Variants in WASHC5 observed in about 807,000 individuals in gnomAD.
WASHC5 encodes the protein WASH complex subunit strumpellin.
WASHC5 carries 101 observed loss-of-function variants against 150.4 expected under a neutral mutation model. That is an observed-to-expected ratio of 0.67 (90% CI 0.57 to 0.79). The LOEUF (loss-of-function observed/expected upper bound fraction) is 0.79. WASHC5 is among the 30% of genes least tolerant of loss of function. WASHC5 has a pLI of 0.00. For missense variants in WASHC5, 1,195 were observed against 1,396.3 expected (o/e 0.86, Z 2.30); for synonymous variants, 467 against 491.2 (o/e 0.95, Z 0.65).
At chr8:125,075,568 G>T in intron 7 of WASHC5, among the ~76,000 whole-genome samples, 1 of 151,950 alleles carries the variant, frequency 6.6e-6, no homozygotes, top group East Asian at 1.9e-4. Context: ...TTAAACTTAG[G>T]AACCTGAAGC....
chr8:125,065,619 C>CTT (rs780278604), intron 10 of WASHC5, among the ~76,000 whole-genome samples: 22 of 130,724 alleles, frequency 1.7e-4, no homozygotes, highest in South Asian at 4.7e-4. Context: ...TCTTTCATTC[C>CTT]TTTTTTTTTT....
chr8:125,029,945 C>T (rs1815479090), intron 27 of WASHC5, among the ~76,000 whole-genome samples: 2 of 152,204 alleles, frequency 1.3e-5, no homozygotes, highest in South Asian at 4.1e-4. Flanking sequence ...GCTATATTTG[C>T]TCTGCTTGGA....
intron 9 of WASHC5, among the ~76,000 whole-genome samples, chr8:125,072,351 GT>G (rs1161474238): frequency 3.5e-4 from 22 of 63,130 alleles, no homozygotes; most frequent in African/African-American, 1.8e-3. Flanking sequence ...AAAAAAAAAA[GT>G]GGGGGGGGGG....
chr8:125,042,439 C>T (rs775777399), intron 23 of WASHC5, among the ~76,000 whole-genome samples: 3 of 152,140 alleles, frequency 2.0e-5, no homozygotes, highest in East Asian at 1.9e-4. Flanking sequence ...ACACTGGCTC[C>T]GTGACTGTAC....
rs1244343404 is a variant in WASHC5 at position 125,037,290 on chromosome 8, T to C, written c.3128A>G (p.Asn1043Ser). The C allele has an allele frequency of 3.1e-6, 5 of 1,612,590 alleles. No individual in the cohort carries two copies. In the Admixed American group the frequency reaches 5.0e-5, roughly 16 times the overall value. The change falls in exon 26 of 29, where the codon AAC (asparagine) becomes AGC (serine). Residue 1043 changes from asparagine to serine, a missense_variant. This residue lies in a region of WASHC5 where 997 missense variants were observed against 1,168.1 expected (regional missense o/e 0.85). Coordinates refer to ENST00000318410, the MANE Select transcript of WASHC5 (RefSeq NM_014846.4). ...TKRLPYFPIV[N>S]FLFLIAQLPK... The stretch of plus-strand genomic sequence containing the variant: ...CAACTGAGCGATCAAAAATAGAAAG[T>C]TTACAATTGGAAAATAGGGTAAGCG...
intron 27 of WASHC5, among the ~76,000 whole-genome samples, chr8:125,030,787 A>G (rs1382024194): frequency 6.6e-6 from 1 of 152,140 alleles, no homozygotes; most frequent in Non-Finnish European, 1.5e-5. Context: ...TTGGGAAGCC[A>G]CATTTTAAGA....
Position 125,081,764 on chromosome 8 carries a change from AAGAAG to A in WASHC5, c.418-8_418-4del, listed in dbSNP as rs1817273361. The A allele has an allele frequency of 1.3e-6, 2 of 1,576,904 alleles. No homozygotes were observed. Among genetic ancestry groups the A allele is most frequent in the South Asian group, 1.1e-5 (1 of 90,376 alleles). On this transcript the variant is annotated splice_polypyrimidine_tract_variant and splice_region_variant and intron_variant, in intron 4 of 28. Coordinates refer to ENST00000318410, the MANE Select transcript of WASHC5 (RefSeq NM_014846.4). ...CCATATAAGTACAGTGCTTCACACT[AAGAAG>A]AGAAGAGGACAAAAGCCAAAATCAC...
At chr8:125,064,711 G>T (rs1464702252) in intron 10 of WASHC5, among the ~76,000 whole-genome samples, 1 of 152,046 alleles carries the variant, frequency 6.6e-6, no homozygotes, top group Admixed American at 6.6e-5. Context: ...GGGCTCTTAG[G>T]AGGTAAACAG....
rs556129535 is a variant in WASHC5 at position 125,028,812 on chromosome 8, CA to C, written c.3336-106del. The stretch of plus-strand genomic sequence containing the variant: ...TTACCAACAGATTACCTAATGAAGT[CA>C]AAGATGAACAAAAACATTGAGCATG... On this transcript the variant is annotated intron_variant, in intron 27 of 28. Transcript: ENST00000318410. The C allele has an allele frequency of 3.9e-4, 296 of 766,294 alleles. 2 individuals are homozygous for C. The African/African-American group carries it at 4.6e-3, about 12-fold the overall frequency. 47.5% of individuals were successfully genotyped at this position (766,294 alleles called of 1,614,324 possible). A position where few individuals can be genotyped will look rare whatever the true frequency, so the allele number is the denominator to read the frequency against.
At chr8:125,059,672 A>G in intron 12 of WASHC5, 130 bp from the exon 13 acceptor site, 1 of 718,356 alleles carries the variant, frequency 1.4e-6, no homozygotes, top group Non-Finnish European at 2.3e-6. Flanking sequence ...ATTTCAAATT[A>G]TAAATTTCAG....
Position 125,059,391 on chromosome 8 carries a change from C to G in WASHC5, c.1673G>C (p.Trp558Ser). Residue 558 changes from tryptophan to serine, a missense_variant, in exon 13 of 29, where the codon TGG (tryptophan) becomes TCG (serine). Transcript: ENST00000318410. Reference protein sequence around the residue: ...MQIVGDLSFAWQLIDSFTSIM... With the variant: ...MQIVGDLSFASQLIDSFTSIM... ...CCTACATTACCTGTCAATCAACTGC[C>G]AAGCGAAAGAAAGGTCCCCAACGAT... 6.2e-7 allele frequency: 1 copy of G among 1,614,168 alleles called. No homozygotes were observed. The highest frequency in any genetic ancestry group is 1.1e-5 in the South Asian group (1 of 91,082).
chr8:125,077,893 T>C (rs1817112107), intron 6 of WASHC5, among the ~76,000 whole-genome samples: 1 of 152,030 alleles, frequency 6.6e-6, no homozygotes, highest in South Asian at 2.1e-4. Context: ...TGATTTTGAA[T>C]TGTCTTAAAA....
At chr8:125,081,489 T>C (rs1296228872) in intron 5 of WASHC5, among the ~76,000 whole-genome samples, 172 bp downstream of exon 5, 1 of 152,202 alleles carries the variant, frequency 6.6e-6, no homozygotes, top group Non-Finnish European at 1.5e-5. Flanking sequence ...CTGCCTGCCT[T>C]GGCCTCCCAA....
Position 125,076,400 on chromosome 8 carries a change from G to T in WASHC5, c.812C>A (p.Thr271Asn). Residue 271 changes from threonine to asparagine, a missense_variant, in exon 7 of 29, where the codon ACC becomes AAC. Physicochemically the swap from Thr to Asn is moderately conservative, Grantham distance 65. Coordinates refer to ENST00000318410, the MANE Select transcript of WASHC5 (RefSeq NM_014846.4). ...TATCTCTCTCATTTTTGCTTGATGG[G>T]TGTGAAGGATGGAAGGCTCAAAGTA... ...ILYFEPSILH[T>N]HQAKMREIVD... 6.2e-7 allele frequency: 1 copy of T among 1,613,864 alleles called. No individual in the cohort carries two copies. The highest frequency in any genetic ancestry group is 8.5e-7 in the Non-Finnish European group (1 of 1,179,910).
At chr8:125,069,678 A>G (rs1816847508) in intron 9 of WASHC5, among the ~76,000 whole-genome samples, 1 of 152,220 alleles carries the variant, frequency 6.6e-6, no homozygotes, top group Non-Finnish European at 1.5e-5. Context: ...AACCTGGAAA[A>G]GAGGCTCAGT....
chr8:125,034,485 AGAGT>A (rs1332501937), intron 26 of WASHC5, among the ~76,000 whole-genome samples: 1 of 152,106 alleles, frequency 6.6e-6, no homozygotes, highest in African/African-American at 2.4e-5. Flanking sequence ...CCTGGGTGAC[AGAGT>A]GAGACTCTGT....
intron 1 of WASHC5, among the ~76,000 whole-genome samples, chr8:125,090,647 A>G (rs961112913): frequency 6.6e-6 from 1 of 152,258 alleles, no homozygotes; most frequent in Non-Finnish European, 1.5e-5. Context: ...TTTCAAGAAT[A>G]AGGCATGACA....
At chr8:125,057,516 T>A in intron 15 of WASHC5, 40 bp downstream of exon 15, 1 of 1,295,224 alleles carries the variant, frequency 7.7e-7, no homozygotes, top group Non-Finnish European at 1.1e-6. Context: ...AAACAGCAGT[T>A]ATCTGGCAAG....
At chr8:125,040,717 A>T (rs926307749) in intron 23 of WASHC5, 12 of 152,214 alleles carry the variant, frequency 7.9e-5, no homozygotes, top group African/African-American at 2.7e-4. Context: ...GAAGAAGGAC[A>T]TGTTTGCTTC....
Sources: allele counts gnomAD v4.1 joint callset (sites outside exome capture counted in the v4.1 genomes callset), GRCh38; gene constraint gnomAD v4.1.1; regional missense constraint gnomAD v4.1.1; transcripts MANE v1.5; gene names NCBI Gene and HGNC (gene_info 2026-07-23, HGNC 2026-07-21).